Variants in HDHD5 observed in about 807,000 individuals in gnomAD.
HDHD5 encodes the protein haloacid dehalogenase like hydrolase domain containing 5.
HDHD5 carries 34 observed loss-of-function variants against 35.5 expected under a neutral mutation model. That is an observed-to-expected ratio of 0.96 (90% confidence interval 0.73 to 1.28). HDHD5 has a LOEUF of 1.28. Among genes scored for constraint, HDHD5 ranks in the 50% most tolerant of loss-of-function variants. HDHD5 has a pLI of 0.00. For missense variants in HDHD5, 589 were observed against 560.2 expected, an observed-to-expected ratio of 1.05 and a Z score of -0.52; for synonymous variants, 248 against 240.6, an observed-to-expected ratio of 1.03 and a Z score of -0.29.
At position 17,138,156 on chromosome 22, in the gene HDHD5, T is replaced by A. The variant is rs766597278; in HGVS notation, c.1137A>T (p.Gly379=). The A allele has an allele frequency of 5.6e-6, 9 of 1,614,130 alleles. No homozygotes were observed. The highest frequency in any genetic ancestry group is 6.8e-6 in the Non-Finnish European group (8 of 1,180,012). ...RNPQSTEPVL[G]GGEPPFHGHR... is the part of the protein sequence containing the mutation. The stretch of plus-strand genomic sequence containing the variant: ...GCCCGTGGAATGGAGGCTCCCCTCC[T>A]CCAAGGACAGGCTCCGTGGACTGTG... Residue 379 remains glycine, a synonymous_variant, in exon 8 of 8, where the codon GGA becomes GGT. Coordinates refer to ENST00000336737, the MANE Select transcript of HDHD5 (RefSeq NM_033070.3).
intron 4 of HDHD5, chr22:17,143,474 C>T (rs146667524): frequency 1.6e-4 from 36 of 222,600 alleles, no homozygotes; most frequent in African/African-American, 6.2e-4. Context: ...GAGACGAAGG[C>T]GGCATCACGC....
upstream of HDHD5, chr22:17,159,280 C>T: frequency 1.8e-6 from 2 of 1,114,770 alleles, no homozygotes; most frequent in Non-Finnish European, 2.2e-6. Flanking sequence ...ACGTGCACGG[C>T]GTGCGGCCCC....
At chr22:17,141,385 C>A in intron 5 of HDHD5, 152 bp from the exon 6 acceptor site, 1 of 1,389,972 alleles carries the variant, frequency 7.2e-7, no homozygotes, top group Non-Finnish European at 9.2e-7. Context: ...CCCAGTAGAG[C>A]CCCTTACCCA....
intron 6 of HDHD5, among the ~76,000 whole-genome samples, chr22:17,140,086 C>A (rs1433861003): frequency 6.6e-6 from 1 of 152,160 alleles, no homozygotes; most frequent in Non-Finnish European, 1.5e-5. Flanking sequence ...CAAGAGCATA[C>A]CATACCCCGT....
intron 1 of HDHD5, 101 bp downstream of exon 1, chr22:17,159,025 G>A (rs2061836369): frequency 2.8e-6 from 3 of 1,061,398 alleles, no homozygotes; most frequent in Admixed American, 4.8e-5. Flanking sequence ...GTTCCCAGGA[G>A]GCTGGGATAC....
chr22:17,161,044 C>A (rs548299021), upstream of HDHD5, among the ~76,000 whole-genome samples: 1 of 151,974 alleles, frequency 6.6e-6, no homozygotes, highest in Non-Finnish European at 1.5e-5. Flanking sequence ...CATCTGAGAT[C>A]AGGAGTTCAA....
In HDHD5 at chr22:17,145,009, C is replaced by G. The variant is rs779162881; in HGVS notation, c.537+15G>C. 3 of 1,613,550 alleles carry G rather than the reference C, an allele frequency of 1.9e-6. No homozygotes were observed. The highest frequency in any genetic ancestry group is 2.5e-6 in the Non-Finnish European group (3 of 1,179,878). On this transcript the variant is annotated intron_variant, in intron 4 of 7. Coordinates refer to ENST00000336737, the MANE Select transcript of HDHD5 (RefSeq NM_033070.3). ...TGAAGGATGAAGACACAGCCCAACC[C>G]ATGCTCCTTATTACCGTGGTCTTTA...
intron 1 of HDHD5, 107 bp downstream of exon 1, chr22:17,159,019 C>T: frequency 9.6e-7 from 1 of 1,045,376 alleles, no homozygotes; most frequent in Non-Finnish European, 1.2e-6. Context: ...CAGGCAGTTC[C>T]CAGGAGGCTG....
chr22:17,150,690 T>G (rs1010922056), intron 1 of HDHD5, among the ~76,000 whole-genome samples: 1 of 152,160 alleles, frequency 6.6e-6, no homozygotes, highest in Non-Finnish European at 1.5e-5. Context: ...ACCTAATATT[T>G]GTATTTTTAG....
chr22:17,143,006 C>T (rs544826643), intron 5 of HDHD5, 92 bp downstream of exon 5: 2 of 1,437,952 alleles, frequency 1.4e-6, no homozygotes, highest in East Asian at 2.4e-5. Context: ...TGCTGCTGAA[C>T]CAGGCTGCAG....
At chr22:17,164,222 G>GAAAAAAAAA (rs60212114), upstream of HDHD5, among the ~76,000 whole-genome samples, 1 of 111,962 alleles carries the variant, frequency 8.9e-6, no homozygotes, top group African/African-American at 3.2e-5. Flanking sequence ...CTCCATCTCA[G>GAAAAAAAAA]AAAAAAAAAA....
chr22:17,145,148 A>G (rs1377942752), intron 3 of HDHD5, 31 bp from the exon 4 acceptor site: 1 of 1,613,412 alleles, frequency 6.2e-7, no homozygotes, highest in Admixed American at 1.7e-5. Flanking sequence ...AATGCTGGAC[A>G]GTTCTTGGGG....
Position 17,159,132 on chromosome 22 carries a change from G to A in HDHD5, c.120C>T (p.Pro40=), listed in dbSNP as rs11550530. 1.2e-4 allele frequency: 146 copies of A among 1,236,600 alleles called. 2 individuals carry two copies. In the East Asian group the frequency reaches 4.5e-3, roughly 38 times the overall value. The allele number at this position is 1,236,600 out of a possible 1,614,324, so 76.6% of individuals were successfully genotyped here. ...AGAACCCGGACGTCCTCACCTGAGC[G>A]GGGCCCACAGCATAGCACCTGCGGG... ...RPARRCYAVG[P]AQSPPTFGFL... Residue 40 remains proline (P), a synonymous_variant, in exon 1 of 8, where the codon CCC becomes CCT. Coordinates refer to ENST00000336737, the MANE Select transcript of HDHD5 (RefSeq NM_033070.3).
chr22:17,138,292 T>C lies in HDHD5; in HGVS notation c.1001A>G (p.His334Arg), dbSNP rs772440462. ...LFHQYLQKAT[H>R]DGAPELGAGG... is the part of the protein sequence containing the mutation. ...GGCCCCTAGTTCTGGCGCCCCATCA[T>C]GCGTTGCCTTCTGCAGGTACTGGTG... The change falls in exon 8 of 8, where the codon CAT becomes CGT. Residue 334 changes from histidine (H) to arginine (R), a missense_variant. By Grantham distance (29) the His-to-Arg change is conservative (BLOSUM62 0). Transcript: ENST00000336737. 8 of 1,614,198 alleles carry C rather than the reference T, an allele frequency of 5.0e-6. No homozygotes were observed. The highest frequency in any genetic ancestry group is 2.2e-5 in the East Asian group (1 of 44,884).
chr22:17,138,744 AG>A lies in HDHD5; in HGVS notation c.747-7del, dbSNP rs1219812872. The A allele has an allele frequency of 3.1e-6, 5 of 1,614,066 alleles. No individual in the cohort carries two copies. In the African/African-American group the frequency reaches 5.3e-5, roughly 17 times the overall value. On this transcript the variant is annotated splice_region_variant and splice_polypyrimidine_tract_variant and intron_variant, in intron 6 of 7. Transcript: ENST00000336737. The stretch of plus-strand genomic sequence containing the variant: ...GAAAGGTGCCATGTCCAAACCTGCC[AG>A]AAACGAGCACGCAGCAGTTCAGTCT...
chr22:17,144,867 A>G (rs1266893607), intron 4 of HDHD5, among the ~76,000 whole-genome samples, 157 bp downstream of exon 4: 18 of 151,952 alleles, frequency 1.2e-4, no homozygotes, highest in Non-Finnish European at 2.4e-4. Flanking sequence ...CCATTCTCAT[A>G]AATTCAGGGA....
intron 4 of HDHD5, 119 bp from the exon 5 acceptor site, chr22:17,143,250 C>G: frequency 1.9e-6 from 2 of 1,077,264 alleles, no homozygotes; most frequent in Non-Finnish European, 1.3e-6. Flanking sequence ...ACCCCACACC[C>G]GTGGTCAAGC....
At chr22:17,148,654 G>GAA in intron 2 of HDHD5, 94 bp from the exon 3 acceptor site, 5 of 896,422 alleles carry the variant, frequency 5.6e-6, no homozygotes, top group Non-Finnish European at 9.0e-6. Context: ...CCTAGGGAAG[G>GAA]AAAAAACCCG....
chr22:17,142,574 A>C (rs1190598880), intron 5 of HDHD5: 1 of 152,384 alleles, frequency 6.6e-6, no homozygotes, highest in Non-Finnish European at 1.5e-5. Context: ...TGTAGCTGTT[A>C]ACATTCATGG....
Sources: allele counts gnomAD v4.1 joint callset (sites outside exome capture counted in the v4.1 genomes callset), GRCh38; gene constraint gnomAD v4.1.1; transcripts MANE v1.5; gene names NCBI Gene and HGNC (gene_info 2026-07-23, HGNC 2026-07-21).